Variants in DYRK1A observed in about 807,000 individuals in gnomAD.
DYRK1A encodes dual specificity tyrosine phosphorylation regulated kinase 1A, also known as dual specificity tyrosine-phosphorylation-regulated kinase 1A.
Under a neutral mutation model 79.7 loss-of-function variants are expected in DYRK1A, and 9 were observed. That is an observed-to-expected ratio of 0.11 (90% CI 0.07 to 0.20). DYRK1A has a LOEUF of 0.20. DYRK1A is among the 10% of genes least tolerant of loss of function. The pLI is 1.00. For synonymous variants in DYRK1A, 349 were observed against 329.7 expected (o/e 1.06, Z -0.63); for missense variants, 622 against 956.0 (o/e 0.65, Z 4.61).
intron 2 of DYRK1A, among the ~76,000 whole-genome samples, chr21:37,442,578 A>G (rs2051141326): frequency 6.6e-6 from 1 of 151,400 alleles, no homozygotes; most frequent in South Asian, 2.1e-4. Flanking sequence ...TTTCTATTTC[A>G]TCATCTCCTC....
At chr21:37,399,539 AC>A (rs1388714830) in intron 1 of DYRK1A, among the ~76,000 whole-genome samples, 1 of 152,166 alleles carries the variant, frequency 6.6e-6, no homozygotes, top group Non-Finnish European at 1.5e-5. Flanking sequence ...AAAGACAAAT[AC>A]AGTTTGTACT....
At position 37,511,937 on chromosome 21, in the gene DYRK1A, T is replaced by C; in HGVS notation, c.1671T>C (p.Leu557=). ...TGCGTCAGCAATTTCCTGCTCCTCT[T>C]GGTTGGTCAGGCACTGAAGCTCCTA... ...PQVRQQFPAP[L]GWSGTEAPTQ... is the part of the protein sequence containing the mutation. The change falls in exon 12 of 12, where the codon CTT becomes CTC. Residue 557 remains leucine (L), a synonymous_variant. Coordinates refer to ENST00000647188, the MANE Select transcript of DYRK1A (RefSeq NM_001347721.2). 1 of 1,613,854 alleles carries C rather than the reference T, an allele frequency of 6.2e-7. No homozygotes were observed. Among genetic ancestry groups the C allele is most frequent in the Admixed American group, 1.7e-5 (1 of 60,018 alleles).
chr21:37,505,449 A>T lies in DYRK1A; in HGVS notation c.1379A>T (p.Gln460Leu). The change falls in exon 10 of 12, where the codon CAA (glutamine) becomes CTA (leucine). Residue 460 changes from glutamine (Q) to leucine (L), a missense_variant. Around this residue, in one of 5 missense-constraint regions of DYRK1A, gnomAD observed 80 missense variants for 116.5 expected, o/e 0.69. Transcript: ENST00000647188. ...GATTATGACCCCAAAACTCGAATTCAACCTTATTATGCTCTGCAGCACAGT... is the reference window on the plus strand; with the variant it reads ...GATTATGACCCCAAAACTCGAATTCTACCTTATTATGCTCTGCAGCACAGT... ...MLDYDPKTRI[Q>L]PYYALQHSFF... is the part of the protein sequence containing the mutation. 1 of 1,614,226 alleles carries T rather than the reference A, an allele frequency of 6.2e-7. No homozygotes were observed. Among genetic ancestry groups the T allele is most frequent in the Non-Finnish European group, 8.5e-7 (1 of 1,180,052 alleles).
At chr21:37,509,119 T>G (rs1429216846) in intron 11 of DYRK1A, among the ~76,000 whole-genome samples, 2 of 152,222 alleles carry the variant, frequency 1.3e-5, no homozygotes, top group Non-Finnish European at 2.9e-5. Context: ...AGCGAAAGGT[T>G]TTCCTTCCTT....
chr21:37,382,509 A>G (rs2049677627), intron 1 of DYRK1A, among the ~76,000 whole-genome samples: 1 of 152,184 alleles, frequency 6.6e-6, no homozygotes, highest in Non-Finnish European at 1.5e-5. Context: ...ACTTTAAACT[A>G]CTTGTTGCTT....
At chr21:37,502,198 TTG>T (rs1198222785) in intron 9 of DYRK1A, 1 of 152,210 alleles carries the variant, frequency 6.6e-6, no homozygotes, top group Non-Finnish European at 1.5e-5. Context: ...AGAATTATTT[TTG>T]TGTTGTGTGC....
intron 1 of DYRK1A, among the ~76,000 whole-genome samples, chr21:37,370,938 C>T (rs1203842377): frequency 2.0e-4 from 31 of 152,078 alleles, no homozygotes; most frequent in Non-Finnish European, 4.4e-5. Flanking sequence ...GGTGGTTTTG[C>T]CTTTTAAAAG....
chr21:37,449,294 T>C (rs2051369011), intron 2 of DYRK1A, among the ~76,000 whole-genome samples: 1 of 152,228 alleles, frequency 6.6e-6, no homozygotes, highest in South Asian at 2.1e-4. Flanking sequence ...TTCAGTGGTT[T>C]AAATCAGTAG....
chr21:37,510,676 G>A (rs2053723546), intron 11 of DYRK1A, among the ~76,000 whole-genome samples: 1 of 152,116 alleles, frequency 6.6e-6, no homozygotes, highest in African/African-American at 2.4e-5. Context: ...GTTCAGGTTA[G>A]TGGCTAGGCC....
chr21:37,492,746 T>C (rs897180577), intron 7 of DYRK1A, among the ~76,000 whole-genome samples: 2 of 152,142 alleles, frequency 1.3e-5, no homozygotes, highest in African/African-American at 2.4e-5. Context: ...GCATAATTGT[T>C]TTAAGAAATA....
At chr21:37,388,432 T>C (rs1229388135) in intron 1 of DYRK1A, among the ~76,000 whole-genome samples, 1 of 152,142 alleles carries the variant, frequency 6.6e-6, no homozygotes, top group Non-Finnish European at 1.5e-5. Flanking sequence ...AATTTCACTT[T>C]TGAAAATTTT....
At chr21:37,408,161 C>G (rs1345153097) in intron 1 of DYRK1A, among the ~76,000 whole-genome samples, 1 of 152,234 alleles carries the variant, frequency 6.6e-6, no homozygotes, top group Non-Finnish European at 1.5e-5. Flanking sequence ...TTTGCTCAGT[C>G]ATGGTATGTT....
At chr21:37,484,282 G>T (rs1269652818) in intron 5 of DYRK1A, among the ~76,000 whole-genome samples, 3 of 150,746 alleles carry the variant, frequency 2.0e-5, no homozygotes, top group Non-Finnish European at 4.4e-5. Flanking sequence ...TGCTACCTCC[G>T]CCATGAAAAC....
At chr21:37,494,947 A>T (rs2053214893) in intron 8 of DYRK1A, among the ~76,000 whole-genome samples, 1 of 2,594 alleles carries the variant, frequency 3.9e-4, no homozygotes, top group South Asian at 0.012. Context: ...GACTCCATTA[A>T]AAAAAAAAAA....
intron 2 of DYRK1A, among the ~76,000 whole-genome samples, chr21:37,421,622 T>C (rs1009943952): frequency 1.3e-5 from 2 of 152,152 alleles, no homozygotes; most frequent in Admixed American, 6.6e-5. Context: ...ACATTCTGGC[T>C]GAGTTGCTCG....
At chr21:37,398,929 G>A (rs970412528) in intron 1 of DYRK1A, among the ~76,000 whole-genome samples, 1 of 146,340 alleles carries the variant, frequency 6.8e-6, no homozygotes, top group African/African-American at 2.6e-5. Flanking sequence ...TTTTTAAACC[G>A]CAGAGAGAAC....
At chr21:37,424,023 T>A (rs1383734210) in intron 2 of DYRK1A, among the ~76,000 whole-genome samples, 1 of 152,074 alleles carries the variant, frequency 6.6e-6, no homozygotes, top group Non-Finnish European at 1.5e-5. Context: ...TATACAAGAG[T>A]TAGAAATCAG....
intron 9 of DYRK1A, chr21:37,501,823 G>A (rs1017919493): frequency 5.3e-5 from 8 of 152,158 alleles, no homozygotes; most frequent in Non-Finnish European, 1.2e-4. Context: ...TGTATATTCT[G>A]TCAGTAATTG....
intron 2 of DYRK1A, among the ~76,000 whole-genome samples, chr21:37,448,512 A>G (rs1380714475): frequency 6.6e-6 from 1 of 152,170 alleles, no homozygotes; most frequent in Admixed American, 6.5e-5. Flanking sequence ...ACTTTTTATA[A>G]CATAACTTTG....
Sources: allele counts gnomAD v4.1 joint callset (sites outside exome capture counted in the v4.1 genomes callset), GRCh38; gene constraint gnomAD v4.1.1; regional missense constraint gnomAD v4.1.1; transcripts MANE v1.5; gene names NCBI Gene and HGNC (gene_info 2026-07-23, HGNC 2026-07-21).